Variants in SNAP47 observed in about 807,000 individuals in gnomAD.
SNAP47 encodes the protein synaptosomal-associated protein 47.
SNAP47 carries 20 observed loss-of-function variants against 31.4 expected under a neutral mutation model. The observed-to-expected ratio is 0.64, with a 90% CI of 0.45 to 0.93. SNAP47 has a LOEUF of 0.93. Ranked by LOEUF, SNAP47 falls within the 40% of genes least tolerant of loss-of-function variation. The probability of loss-of-function intolerance (pLI) is 0.00; values close to 1 mark genes in which losing one functional copy is unlikely to be tolerated. For synonymous variants in SNAP47, 194 were observed against 213.4 expected (o/e 0.91, Z 0.79); for missense variants, 492 against 528.5 (o/e 0.93, Z 0.68).
At chr1:227,742,391 T>C (rs1443878499) in intron 1 of SNAP47, among the ~76,000 whole-genome samples, 1 of 152,220 alleles carries the variant, frequency 6.6e-6, no homozygotes, top group African/African-American at 2.4e-5. Flanking sequence ...CACACCAGCA[T>C]GCCCAGCTTT....
chr1:227,773,665 C>T (rs952489883), intron 4 of SNAP47, among the ~76,000 whole-genome samples: 5 of 152,344 alleles, frequency 3.3e-5, no homozygotes, highest in South Asian at 4.1e-4. Context: ...TGCACATTTA[C>T]GGCACCTTCT....
intron 1 of SNAP47, among the ~76,000 whole-genome samples, chr1:227,745,501 G>A (rs1661902838): frequency 6.6e-6 from 1 of 152,216 alleles, no homozygotes; most frequent in Non-Finnish European, 1.5e-5. Flanking sequence ...TCAGAGAGCA[G>A]TCTGGTGTGA....
chr1:227,736,692 T>G (rs531215307), intron 1 of SNAP47, among the ~76,000 whole-genome samples: 2,363 of 141,880 alleles, frequency 0.017, 36 homozygotes, highest in Middle Eastern at 0.028. Context: ...TTTTGTTTTT[T>G]TTTTTTTTTT....
chr1:227,760,453 T>C (rs1662990523), intron 3 of SNAP47, among the ~76,000 whole-genome samples: 1 of 152,202 alleles, frequency 6.6e-6, no homozygotes, highest in African/African-American at 2.4e-5. Flanking sequence ...GGAGTGGCCA[T>C]GGTACCTTCC....
intron 4 of SNAP47, among the ~76,000 whole-genome samples, chr1:227,775,529 G>A (rs564388794): frequency 2.8e-4 from 42 of 152,316 alleles, no homozygotes; most frequent in Non-Finnish European, 5.3e-4. Flanking sequence ...CCGATGTCCC[G>A]CAGAGTTTGG....
At chr1:227,747,058 T>C (rs1051491573) in intron 1 of SNAP47, 1 of 152,310 alleles carries the variant, frequency 6.6e-6, no homozygotes, top group Admixed American at 6.5e-5. Context: ...CTTGCAGCTA[T>C]GTAAAACTAC....
intron 1 of SNAP47, among the ~76,000 whole-genome samples, chr1:227,739,252 C>T (rs1661436706): frequency 1.3e-5 from 2 of 152,334 alleles, no homozygotes; most frequent in South Asian, 4.1e-4. Context: ...CCTCTGCCTT[C>T]TGGGCTGAAG....
chr1:227,734,285 G>A (rs781420249), upstream of SNAP47: 38 of 484,210 alleles, frequency 7.8e-5, no homozygotes, highest in Non-Finnish European at 1.2e-4. Context: ...AGATGCTGAG[G>A]TGGATGCATC....
At chr1:227,734,566 C>A (rs1660932226), upstream of SNAP47, 1 of 1,372,746 alleles carries the variant, frequency 7.3e-7, no homozygotes. Flanking sequence ...CGTTGTGCAC[C>A]CAGGGGCCAC....
chr1:227,736,996 T>C (rs1661251996), intron 1 of SNAP47, among the ~76,000 whole-genome samples: 1 of 152,224 alleles, frequency 6.6e-6, no homozygotes, highest in Admixed American at 6.5e-5. Context: ...GCCGTTTTCT[T>C]TGTAGTAAAC....
upstream of SNAP47, chr1:227,734,087 G>A: frequency 6.3e-7 from 1 of 1,580,106 alleles, no homozygotes; most frequent in Non-Finnish European, 8.6e-7. Context: ...GAGGAGACTA[G>A]GGCAGCACGA....
In SNAP47 at chr1:227,741,048, G is replaced by A. The variant is rs1363821384; in HGVS notation, c.-46+5549G>A. Among the ~76,000 whole-genome samples, 1 of 148,012 alleles carries A rather than the reference G, an allele frequency of 6.8e-6. No homozygotes were observed. The highest frequency in any genetic ancestry group is 2.1e-4 in the South Asian group (1 of 4,758). ...GAGGGCCTGTGAAGTTGGGTTGCCC[G>A]TTAGGGATGGGGGCAGATACCCAGC... On this transcript the variant is annotated intron_variant, in intron 1 of 4. Coordinates refer to ENST00000617596, the MANE Select transcript of SNAP47 (RefSeq NM_053052.4). This position sits in a 1 kb window ranked among gnomAD's most constrained non-coding sequence, Gnocchi z 4.2.
Position 227,780,516 on chromosome 1 carries a change from C to T in SNAP47, c.1114-11C>T, listed in dbSNP as rs1664401694. 1 of 1,613,696 alleles carries T rather than the reference C, an allele frequency of 6.2e-7. No individual in the cohort carries two copies. Among genetic ancestry groups the T allele is most frequent in the Non-Finnish European group, 8.5e-7 (1 of 1,180,010 alleles). ...TGGCAGCCTCTGCTGTGATCTTGTG[C>T]TTCTCCCCAGATCCTGAGGAGGATG... is the stretch of plus-strand genomic sequence containing the variant. On this transcript the variant is annotated splice_polypyrimidine_tract_variant and intron_variant, in intron 4 of 4. Coordinates refer to ENST00000617596, the MANE Select transcript of SNAP47 (RefSeq NM_053052.4).
chr1:227,763,504 G>A lies in SNAP47; in HGVS notation c.989-3455G>A, dbSNP rs564940923. ...GTGGCTGAGGTTGTCTCTGCAGTTC[G>A]TTAGTGCCAGGCGTCTTTTGAGGCA... On this transcript the variant is annotated intron_variant, in intron 3 of 4. Coordinates refer to ENST00000617596, the MANE Select transcript of SNAP47 (RefSeq NM_053052.4). The surrounding 1 kb of genome is among the most constrained non-coding windows in gnomAD (Gnocchi z 4.2). 3.9e-5 allele frequency among the ~76,000 whole-genome samples: 6 copies of A among 152,298 alleles called. No individual in the cohort carries two copies. The highest frequency in any genetic ancestry group is 1.2e-4 in the African/African-American group (5 of 41,574).
intron 1 of SNAP47, among the ~76,000 whole-genome samples, chr1:227,742,579 TAC>T: frequency 6.6e-6 from 1 of 152,174 alleles, no homozygotes; most frequent in Non-Finnish European, 1.5e-5. Flanking sequence ...ACTCCTGAAA[TAC>T]CTCCCAACCA....
intron 2 of SNAP47, among the ~76,000 whole-genome samples, chr1:227,751,953 G>A (rs1460756174): frequency 6.6e-6 from 1 of 151,944 alleles, no homozygotes; most frequent in African/African-American, 2.4e-5. Flanking sequence ...TTTTAGTAGA[G>A]ATGGGGTTTC....
upstream of SNAP47, chr1:227,734,515 C>CT (rs375399578): frequency 4.3e-5 from 33 of 765,260 alleles, no homozygotes; most frequent in African/African-American, 5.1e-4. Context: ...AATCCAGTTT[C>CT]TTTTAAACTG....
At chr1:227,737,915 C>G (rs930393707) in intron 1 of SNAP47, among the ~76,000 whole-genome samples, 1 of 152,078 alleles carries the variant, frequency 6.6e-6, no homozygotes, top group Admixed American at 6.5e-5. Flanking sequence ...TTTTTTTACA[C>G]TAGAGAATCA....
intron 1 of SNAP47, among the ~76,000 whole-genome samples, chr1:227,739,738 C>T (rs1321953249): frequency 6.6e-6 from 1 of 152,236 alleles, no homozygotes; most frequent in Non-Finnish European, 1.5e-5. Flanking sequence ...TGAGCCATCC[C>T]TGTGCTGCAG....
Sources: gnomAD v4.1 joint callset for allele counts (sites outside exome capture counted in the v4.1 genomes callset) on GRCh38, gnomAD v4.1.1 for gene constraint, Gnocchi (gnomAD v3.1) non-coding constraint, MANE v1.5 for transcripts, NCBI Gene and HGNC (gene_info 2026-07-23, HGNC 2026-07-21) for gene names.